Variants in CCM2L observed in about 807,000 individuals in gnomAD.
CCM2L encodes the protein cerebral cavernous malformations 2 protein-like.
In CCM2L, 36 loss-of-function variants were observed where a neutral mutation model predicts 54.1. That is an observed-to-expected ratio of 0.67 (90% CI 0.51 to 0.88). CCM2L has a LOEUF of 0.88. CCM2L is among the 40% of genes least tolerant of loss of function. The pLI is 0.00. For synonymous variants in CCM2L, 351 were observed against 359.3 expected (o/e 0.98, Z 0.26); for missense variants, 700 against 812.1 (o/e 0.86, Z 1.68).
At chr20:32,026,305 T>TA (rs1568924825) in intron 7 of CCM2L, among the ~76,000 whole-genome samples, 1 of 152,180 alleles carries the variant, frequency 6.6e-6, no homozygotes. Context: ...ATATTTGACA[T>TA]AAAATAGAGC....
Position 32,019,346 on chromosome 20 carries a change from C to CGACCCGCAG in CCM2L, c.876_884dup (p.Gln293_Pro295dup). 6.8e-7 allele frequency: 1 copy of CGACCCGCAG among 1,475,852 alleles called. No individual in the cohort carries two copies. The highest frequency in any genetic ancestry group is 8.9e-7 in the Non-Finnish European group (1 of 1,117,888). 91.4% of individuals were successfully genotyped at this position (1,475,852 alleles called of 1,614,324 possible). On this transcript the variant is annotated inframe_insertion, in exon 5 of 10. Coordinates refer to ENST00000452892, the MANE Select transcript of CCM2L (RefSeq NM_001365692.1). ...GGCGCCACCCCGGCCCCAACCCGCTCGACCCGCAGGACCCCAGCCCCGACG... is the reference window on the plus strand; with the variant it reads ...GGCGCCACCCCGGCCCCAACCCGCTCGACCCGCAGGACCCGCAGGACCCCAGCCCCGACG...
chr20:32,023,250 G>A (rs149219290), intron 6 of CCM2L, among the ~76,000 whole-genome samples: 3,896 of 152,210 alleles, frequency 0.026, 54 homozygotes, highest in Non-Finnish European at 0.033. Flanking sequence ...GATTACAGGC[G>A]TGAGCCACTG....
chr20:32,030,272 A>G (rs144946434), intron 9 of CCM2L, among the ~76,000 whole-genome samples: 1 of 152,294 alleles, frequency 6.6e-6, no homozygotes, highest in Non-Finnish European at 1.5e-5. Flanking sequence ...AAATGCCCCC[A>G]GTTCTGAGAA....
intron 1 of CCM2L, among the ~76,000 whole-genome samples, chr20:32,011,007 A>G (rs2064689390): frequency 6.6e-6 from 1 of 151,508 alleles, no homozygotes; most frequent in Admixed American, 6.6e-5. Context: ...ACCCCTTCTG[A>G]CTCTGAAGTT....
At position 32,020,251 on chromosome 20, in the gene CCM2L, C is replaced by T. The variant is rs1013573664; in HGVS notation, c.933+842C>T. ...AGTGGTGAATGAAACAGACATAGTT[C>T]CTGTCTAGATGGTGAGGCAGATAAT... On this transcript the variant is annotated intron_variant, in intron 5 of 9. Transcript: ENST00000452892. Among the ~76,000 whole-genome samples the T allele has an allele frequency of 5.9e-5, 9 of 152,274 alleles. No individual in the cohort carries two copies. In the South Asian group the frequency reaches 1.2e-3, roughly 21 times the overall value.
chr20:32,022,286 T>A (rs2076995013), intron 5 of CCM2L, among the ~76,000 whole-genome samples: 1 of 152,212 alleles, frequency 6.6e-6, no homozygotes, highest in Non-Finnish European at 1.5e-5. Flanking sequence ...TCCCTTCTCC[T>A]ACTAGGTGTT....
chr20:32,031,216 G>C lies in CCM2L; in HGVS notation c.1618G>C (p.Asp540His). Residue 540 changes from aspartate (D) to histidine (H), a missense_variant, in exon 10 of 10, where the codon GAC becomes CAC. Physicochemically the swap from Asp to His is moderately conservative, Grantham distance 81. Transcript: ENST00000452892. ...CCGGCTGCTGGCTGACATCACGCAC[G>C]ACATCGAGGCGCTGGCCCCCGATGA... ...FHRLLADITH[D>H]IEALAPDDDD... The C allele has an allele frequency of 1.5e-6, 2 of 1,300,748 alleles. No individual in the cohort carries two copies. The highest frequency in any genetic ancestry group is 2.3e-5 in the Admixed American group (1 of 43,518). 80.6% of individuals were successfully genotyped at this position (1,300,748 alleles called of 1,614,324 possible). A position where few individuals can be genotyped will look rare whatever the true frequency, so the allele number is the denominator to read the frequency against.
Position 32,018,926 on chromosome 20 carries a change from C to T in CCM2L, c.467-17C>T, listed in dbSNP as rs1455188817. ...AGTCCCGATCCCCGCGGCTGACGGT[C>T]CCCCGGACTCTCCTAGGTCTGGGTG... On this transcript the variant is annotated splice_polypyrimidine_tract_variant and intron_variant, in intron 4 of 9. Transcript: ENST00000452892. 26 of 1,319,080 alleles carry T rather than the reference C, an allele frequency of 2.0e-5. No homozygotes were observed. The highest frequency in any genetic ancestry group is 8.0e-5 in the Admixed American group (2 of 25,086). The allele number at this position is 1,319,080 out of a possible 1,614,324, so 81.7% of individuals were successfully genotyped here.
Position 32,029,130 on chromosome 20 carries a change from C to T in CCM2L, c.1263+6C>T, listed in dbSNP as rs763056330. 1.2e-6 allele frequency: 2 copies of T among 1,614,174 alleles called. No homozygotes were observed. Among genetic ancestry groups the T allele is most frequent in the Non-Finnish European group, 8.5e-7 (1 of 1,180,022 alleles). ...TACAGGATTACATGGTCACGGTGAGCTGGGGCCGGTGGTGGGAATGGCACA... is the reference window on the plus strand; with the variant it reads ...TACAGGATTACATGGTCACGGTGAGTTGGGGCCGGTGGTGGGAATGGCACA... On this transcript the variant is annotated splice_donor_region_variant and intron_variant, in intron 8 of 9. Transcript: ENST00000452892.
intron 1 of CCM2L, among the ~76,000 whole-genome samples, chr20:32,014,269 T>G (rs952900702): frequency 7.3e-6 from 1 of 137,622 alleles, no homozygotes; most frequent in Non-Finnish European, 1.6e-5. Context: ...ATATTTTTTT[T>G]TTTTTTTTGA....
At chr20:32,018,829 G>T (rs1391880727) in intron 4 of CCM2L, 114 bp from the exon 5 acceptor site, 1 of 1,162,894 alleles carries the variant, frequency 8.6e-7, no homozygotes, top group Non-Finnish European at 1.1e-6. Context: ...AGCCGGGGGC[G>T]AGGCGGCGGT....
chr20:32,014,259 ATAT>A (rs1236244748), intron 1 of CCM2L, among the ~76,000 whole-genome samples: 56 of 138,944 alleles, frequency 4.0e-4, no homozygotes, highest in African/African-American at 1.5e-3. Flanking sequence ...ATATATATAT[ATAT>A]TTTTTTTTTT....
intron 6 of CCM2L, among the ~76,000 whole-genome samples, chr20:32,025,102 T>C (rs1159768762): frequency 6.6e-6 from 1 of 151,710 alleles, no homozygotes; most frequent in East Asian, 1.9e-4. Context: ...TTTTCTTTTC[T>C]TTTCCTTCCC....
At chr20:32,013,480 C>T (rs1466501843) in intron 1 of CCM2L, among the ~76,000 whole-genome samples, 1 of 152,052 alleles carries the variant, frequency 6.6e-6, no homozygotes, top group African/African-American at 2.4e-5. Flanking sequence ...CTTACTCTGT[C>T]ACCCAGGCTG....
chr20:32,011,992 G>T (rs939613141), intron 1 of CCM2L, among the ~76,000 whole-genome samples: 1 of 151,614 alleles, frequency 6.6e-6, no homozygotes, highest in Admixed American at 6.6e-5. Flanking sequence ...AGCCACGGCA[G>T]ACTGACTGCA....
At chr20:32,030,970 C>T in intron 9 of CCM2L, 31 bp from the exon 10 acceptor site, 1 of 1,302,554 alleles carries the variant, frequency 7.7e-7, no homozygotes, top group Non-Finnish European at 1.0e-6. Flanking sequence ...GGAACGTGTC[C>T]TGGGGACTCA....
chr20:32,018,910 C>G, intron 4 of CCM2L, 33 bp from the exon 5 acceptor site: 1 of 1,276,836 alleles, frequency 7.8e-7, no homozygotes, highest in Non-Finnish European at 9.9e-7. Context: ...GAGTCCCGAT[C>G]CCCGCGGCTG....
At position 32,016,418 on chromosome 20, in the gene CCM2L, G is replaced by A. The variant is rs561165686; in HGVS notation, c.198+1347G>A. On this transcript the variant is annotated intron_variant, in intron 2 of 9. Coordinates refer to ENST00000452892, the MANE Select transcript of CCM2L (RefSeq NM_001365692.1). ...TCCCAGCACTTTAGGAGGCCGAGGC[G>A]GGTGAATCACGAGATCAGGAGTTCA... 4.8e-4 allele frequency among the ~76,000 whole-genome samples: 72 copies of A among 150,692 alleles called. 1 individual carries two copies. The highest frequency in any genetic ancestry group is 2.4e-3 in the Admixed American group (37 of 15,166).
intron 4 of CCM2L, 23 bp downstream of exon 4, chr20:32,018,185 CGGGGGA>C (rs1568914764): frequency 1.4e-4 from 50 of 352,894 alleles, no homozygotes; most frequent in Non-Finnish European, 1.6e-4. Flanking sequence ...GGGGCGGGGG[CGGGGGA>C]GGGGCGGGGG....
Sources: gnomAD v4.1 joint callset for allele counts (sites outside exome capture counted in the v4.1 genomes callset) on GRCh38, gnomAD v4.1.1 for gene constraint, MANE v1.5 for transcripts, NCBI Gene and HGNC (gene_info 2026-07-23, HGNC 2026-07-21) for gene names.